Variants in ALK observed in about 807,000 individuals in gnomAD.
ALK encodes the protein ALK tyrosine kinase receptor.
In ALK, 74 loss-of-function variants were observed where a neutral mutation model predicts 163.1. The ratio of observed to expected loss-of-function variants is 0.45; its 90% CI spans 0.38 to 0.55. ALK has a LOEUF of 0.55. Ranked by LOEUF, ALK falls within the 20% of genes least tolerant of loss-of-function variation. ALK has a pLI of 0.00. For missense variants in ALK, 2,063 were observed against 2,105.3 expected (o/e 0.98, Z 0.39); for synonymous variants, 960 against 843.2 (o/e 1.14, Z -2.40).
intron 8 of ALK, among the ~76,000 whole-genome samples, chr2:29,304,161 TC>T (rs1309825666): frequency 6.6e-6 from 1 of 152,176 alleles, no homozygotes; most frequent in East Asian, 1.9e-4. Flanking sequence ...TAGAGTGTGG[TC>T]CTCAGACTGG....
intron 1 of ALK, among the ~76,000 whole-genome samples, chr2:29,858,073 G>A (rs548870603): frequency 2.8e-5 from 4 of 143,290 alleles, no homozygotes; most frequent in East Asian, 2.1e-4. Context: ...GTGTGTGTGT[G>A]TATGCATGTG....
chr2:29,900,612 C>A (rs182333661), intron 1 of ALK, among the ~76,000 whole-genome samples: 1 of 152,200 alleles, frequency 6.6e-6, no homozygotes, highest in African/African-American at 2.4e-5. Flanking sequence ...AATGTCTATC[C>A]GCAGTCAAAA....
At position 29,396,202 on chromosome 2, in the gene ALK, C is replaced by G. The variant is rs561154016; in HGVS notation, c.1155-12343G>C. On this transcript the variant is annotated intron_variant, in intron 4 of 28. Coordinates refer to ENST00000389048, the MANE Select transcript of ALK (RefSeq NM_004304.5). ...CCGTGCTGCTTATACTCCATGGTGGCAAGTATCCTGGATAATAACGCTGTT... is the reference window on the plus strand; with the variant it reads ...CCGTGCTGCTTATACTCCATGGTGGGAAGTATCCTGGATAATAACGCTGTT... Among the ~76,000 whole-genome samples the G allele has an allele frequency of 1.1e-3, 163 of 152,224 alleles. 1 individual carries two copies. The highest frequency in any genetic ancestry group is 1.8e-3 in the Non-Finnish European group (124 of 68,010).
chr2:29,730,467 TA>T, intron 1 of ALK, among the ~76,000 whole-genome samples: 1 of 152,188 alleles, frequency 6.6e-6, no homozygotes, highest in East Asian at 1.9e-4. Context: ...CCAATGAAAG[TA>T]AACTAGAGAT....
At chr2:29,423,298 C>A (rs1315277232) in intron 4 of ALK, among the ~76,000 whole-genome samples, 1 of 152,154 alleles carries the variant, frequency 6.6e-6, no homozygotes, top group African/African-American at 2.4e-5. Flanking sequence ...AGCCCTTTGA[C>A]TGGTAAGAGA....
intron 3 of ALK, among the ~76,000 whole-genome samples, chr2:29,584,409 G>T (rs1187401549): frequency 1.3e-5 from 2 of 152,148 alleles, no homozygotes; most frequent in African/African-American, 4.8e-5. Context: ...AAATAAATTG[G>T]AGCAGGCCTG....
intron 5 of ALK, among the ~76,000 whole-genome samples, chr2:29,353,307 C>T (rs775017535): frequency 5.3e-5 from 8 of 152,210 alleles, no homozygotes; most frequent in Non-Finnish European, 7.3e-5. Flanking sequence ...CTGTGTGCTA[C>T]TCCAGGGGAA....
At position 29,565,654 on chromosome 2, in the gene ALK, T is replaced by C. The variant is rs1253173172; in HGVS notation, c.953-33538A>G. ...GCTCTCCTAATCACCAGCCACCACG[T>C]TGCCCTGGGCAAGGCTTGTCACAAA... is the stretch of plus-strand genomic sequence containing the variant. On this transcript the variant is annotated intron_variant, in intron 3 of 28. Coordinates refer to ENST00000389048, the MANE Select transcript of ALK (RefSeq NM_004304.5). 2.6e-5 allele frequency among the ~76,000 whole-genome samples: 4 copies of C among 152,162 alleles called. No homozygotes were observed. In the East Asian group the frequency reaches 5.8e-4, roughly 22 times the overall value.
intron 1 of ALK, among the ~76,000 whole-genome samples, chr2:29,798,449 A>C (rs1664377710): frequency 6.6e-6 from 1 of 152,242 alleles, no homozygotes; most frequent in Non-Finnish European, 1.5e-5. Flanking sequence ...TTGTTGTTTA[A>C]AATTTAGAAA....
At chr2:29,636,965 C>A (rs1257852687) in intron 3 of ALK, among the ~76,000 whole-genome samples, 3 of 152,162 alleles carry the variant, frequency 2.0e-5, no homozygotes, top group Non-Finnish European at 4.4e-5. Context: ...TTCAGAGAAA[C>A]TACATCACTC....
intron 6 of ALK, among the ~76,000 whole-genome samples, chr2:29,327,956 G>C (rs1444904645): frequency 6.6e-6 from 1 of 152,170 alleles, no homozygotes; most frequent in Non-Finnish European, 1.5e-5. Context: ...GTTCCATACA[G>C]CCGGAGCTGG....
intron 3 of ALK, among the ~76,000 whole-genome samples, chr2:29,658,183 T>C (rs1291070279): frequency 2.0e-5 from 3 of 152,106 alleles, no homozygotes; most frequent in African/African-American, 7.2e-5. Flanking sequence ...TTAAAATGAG[T>C]TTTTTTCTGC....
At chr2:29,321,656 T>C (rs1363366857) in intron 6 of ALK, among the ~76,000 whole-genome samples, 15 of 152,212 alleles carry the variant, frequency 9.9e-5, no homozygotes, top group Non-Finnish European at 1.5e-5. Flanking sequence ...CGGAGGAGCC[T>C]CTGCCAGCCT....
intron 3 of ALK, among the ~76,000 whole-genome samples, chr2:29,569,580 G>A (rs1479868605): frequency 3.3e-5 from 5 of 151,906 alleles, no homozygotes; most frequent in South Asian, 2.1e-4. Context: ...CCCTAGTGAG[G>A]TCCAGAGACA....
At chr2:29,641,441 A>G (rs1459900560) in intron 3 of ALK, among the ~76,000 whole-genome samples, 2 of 152,178 alleles carry the variant, frequency 1.3e-5, no homozygotes, top group African/African-American at 4.8e-5. Context: ...AGTCCAGTAC[A>G]TTGTGAGTTG....
At chr2:29,811,467 T>C (rs555219017) in intron 1 of ALK, among the ~76,000 whole-genome samples, 164 of 152,294 alleles carry the variant, frequency 1.1e-3, no homozygotes, top group African/African-American at 3.3e-3. Context: ...TCAAATGTAA[T>C]AGTCCTTAAA....
At chr2:29,856,915 T>G (rs1666155240) in intron 1 of ALK, among the ~76,000 whole-genome samples, 1 of 152,138 alleles carries the variant, frequency 6.6e-6, no homozygotes, top group Non-Finnish European at 1.5e-5. Context: ...AATAGGATTC[T>G]GTAATAGGCA....
chr2:29,253,552 G>T (rs1485969935), intron 11 of ALK, among the ~76,000 whole-genome samples: 1 of 152,158 alleles, frequency 6.6e-6, no homozygotes, highest in Non-Finnish European at 1.5e-5. Flanking sequence ...AGGACATGTG[G>T]CCAGGGGAGT....
chr2:29,803,456 C>T (rs10187084), intron 1 of ALK, among the ~76,000 whole-genome samples: 2 of 152,088 alleles, frequency 1.3e-5, no homozygotes, highest in African/African-American at 4.8e-5. Context: ...CAAGTCCACT[C>T]TCACGCTTGG....
Sources: allele counts gnomAD v4.1 joint callset (sites outside exome capture counted in the v4.1 genomes callset), GRCh38; gene constraint gnomAD v4.1.1; transcripts MANE v1.5; gene names NCBI Gene and HGNC (gene_info 2026-07-23, HGNC 2026-07-21).